Variants in CSGALNACT1 observed in about 807,000 individuals in gnomAD.
The protein encoded by CSGALNACT1 is beta4GalNAcT-1.
A neutral mutation model predicts 51.0 loss-of-function variants in CSGALNACT1; 52 were observed. That is an observed-to-expected ratio of 1.02 (90% CI 0.82 to 1.29). The LOEUF (loss-of-function observed/expected upper bound fraction) is 1.29. CSGALNACT1 is among the 50% of genes most tolerant of loss of function. CSGALNACT1 has a pLI of 0.00. For missense variants in CSGALNACT1, 935 were observed against 679.2 expected, an observed-to-expected ratio of 1.38 and a Z score of -4.19; for synonymous variants, 341 against 254.4, an observed-to-expected ratio of 1.34 and a Z score of -3.24.
chr8:19,745,468 C>T (rs1439774351), intron 1 of CSGALNACT1, among the ~76,000 whole-genome samples: 1 of 152,150 alleles, frequency 6.6e-6, no homozygotes, highest in Non-Finnish European at 1.5e-5. Context: ...CCTAAAGAAA[C>T]TCCTCAGAAC....
In CSGALNACT1 at chr8:19,405,569, A is replaced by C. The variant is rs139522958; in HGVS notation, c.*211T>G. On this transcript the variant is annotated 3_prime_UTR_variant, in exon 10 of 10. Transcript: ENST00000454498. ...ATTCTGCCTTTGTCAGACACTTCAC[A>C]GGGTGCAACTGGGTTACTTTTGCAG... is the stretch of plus-strand genomic sequence containing the variant. 1.5e-4 allele frequency: 107 copies of C among 708,266 alleles called. 1 individual carries two copies. The African/African-American group carries it at 1.6e-3, about 11-fold the overall frequency. 43.9% of individuals were successfully genotyped at this position (708,266 alleles called of 1,614,324 possible). A position where few individuals can be genotyped will look rare whatever the true frequency, so the allele number is the denominator to read the frequency against.
At chr8:19,522,898 T>C (rs2081005829) in intron 3 of CSGALNACT1, among the ~76,000 whole-genome samples, 1 of 152,226 alleles carries the variant, frequency 6.6e-6, no homozygotes, top group Non-Finnish European at 1.5e-5. Flanking sequence ...GCAAGATGTC[T>C]GTGGTGAGCG....
At chr8:19,521,143 T>C (rs2080598691) in intron 3 of CSGALNACT1, among the ~76,000 whole-genome samples, 1 of 152,142 alleles carries the variant, frequency 6.6e-6, no homozygotes, top group Non-Finnish European at 1.5e-5. Context: ...AATTTCATCC[T>C]ATAGGTAACG....
intron 1 of CSGALNACT1, among the ~76,000 whole-genome samples, chr8:19,620,158 CA>C (rs912593169): frequency 6.6e-6 from 1 of 151,436 alleles, no homozygotes; most frequent in African/African-American, 2.4e-5. Context: ...ACTAAAAATA[CA>C]AAAAAATTAG....
intron 3 of CSGALNACT1, chr8:19,531,862 G>C (rs896620773): frequency 6.6e-6 from 1 of 152,262 alleles, no homozygotes; most frequent in African/African-American, 2.4e-5. Flanking sequence ...GTACTGCCCA[G>C]TCCAAAGCTC....
At chr8:19,446,698 G>C (rs528921451) in intron 5 of CSGALNACT1, among the ~76,000 whole-genome samples, 8 of 152,136 alleles carry the variant, frequency 5.3e-5, no homozygotes, top group Non-Finnish European at 1.2e-4. Context: ...ATTTTCAGTG[G>C]AGACAGGGTT....
chr8:19,582,695 A>G (rs1187631447), intron 3 of CSGALNACT1, among the ~76,000 whole-genome samples: 3 of 152,170 alleles, frequency 2.0e-5, no homozygotes, highest in Admixed American at 1.3e-4. Context: ...GAGATGCTAC[A>G]GACTTTTTTT....
chr8:19,751,867 C>A (rs538383719), intron 1 of CSGALNACT1, among the ~76,000 whole-genome samples: 2 of 152,096 alleles, frequency 1.3e-5, no homozygotes, highest in East Asian at 3.9e-4. Flanking sequence ...CCAGCCATGC[C>A]CCCTGTGCAA....
At chr8:19,646,547 G>A (rs1219651710) in intron 1 of CSGALNACT1, among the ~76,000 whole-genome samples, 5 of 152,142 alleles carry the variant, frequency 3.3e-5, no homozygotes, top group Non-Finnish European at 7.4e-5. Context: ...GGATGTGACA[G>A]CCCCTTATAT....
intron 1 of CSGALNACT1, among the ~76,000 whole-genome samples, chr8:19,747,259 A>G (rs994040525): frequency 5.8e-5 from 6 of 103,596 alleles, no homozygotes; most frequent in Non-Finnish European, 6.6e-5. Context: ...GAGAGAAAGC[A>G]AAAAAAAAAG....
chr8:19,717,651 C>G (rs140456974), intron 1 of CSGALNACT1, among the ~76,000 whole-genome samples: 1 of 152,194 alleles, frequency 6.6e-6, no homozygotes, highest in Admixed American at 6.5e-5. Flanking sequence ...TTCGGGTCTC[C>G]GGTTCCCAGG....
chr8:19,645,344 C>T (rs10283283), intron 1 of CSGALNACT1, among the ~76,000 whole-genome samples: 20,822 of 152,200 alleles, frequency 0.14, 1,552 homozygotes, highest in South Asian at 0.19. Flanking sequence ...GAATACTGTC[C>T]AACTGAAGAT....
Position 19,489,945 on chromosome 8 carries a change from T to C in CSGALNACT1, c.634+15256A>G, listed in dbSNP as rs541239421. ...CCAAAGTCTCCTTCTACACCTTGAA[T>C]GGTACCAAGAAAAGCAAAATTCTGC... On this transcript the variant is annotated intron_variant, in intron 4 of 9. Coordinates refer to ENST00000454498, the Ensembl canonical transcript of CSGALNACT1. 2.1e-4 allele frequency among the ~76,000 whole-genome samples: 32 copies of C among 152,350 alleles called. No individual in the cohort carries two copies. The East Asian group carries it at 5.8e-3, about 28-fold the overall frequency.
chr8:19,593,814 T>C lies in CSGALNACT1; in HGVS notation c.-415-2536A>G, dbSNP rs559592884. On this transcript the variant is annotated intron_variant, in intron 2 of 9. Coordinates refer to ENST00000454498, the Ensembl canonical transcript of CSGALNACT1. ...TCACTTTTTGGGACTGATTCCTACATTCCTTCCCTTGAGGGCTGGATGAGA... is the reference window on the plus strand; with the variant it reads ...TCACTTTTTGGGACTGATTCCTACACTCCTTCCCTTGAGGGCTGGATGAGA... Among the ~76,000 whole-genome samples, 19 of 152,314 alleles carry C rather than the reference T, an allele frequency of 1.2e-4. No individual in the cohort carries two copies. In the South Asian group the frequency reaches 2.9e-3, roughly 23 times the overall value.
At chr8:19,612,929 G>A (rs2052470913) in intron 1 of CSGALNACT1, among the ~76,000 whole-genome samples, 1 of 54,190 alleles carries the variant, frequency 1.8e-5, no homozygotes, top group Non-Finnish European at 3.4e-5. Flanking sequence ...CACAAAAGAA[G>A]AGAGGAAAAG....
chr8:19,544,075 C>CTT lies in CSGALNACT1; in HGVS notation c.-296-37947_-296-37946dup, dbSNP rs778207201. Among the ~76,000 whole-genome samples, 3 of 141,680 alleles carry CTT rather than the reference C, an allele frequency of 2.1e-5. No homozygotes were observed. The South Asian group carries it at 6.7e-4, about 32-fold the overall frequency. The allele number at this position is 141,680 out of a possible 152,430, so 92.9% of individuals were successfully genotyped here. Reference sequence around the variant, plus strand: ...TGGGTTTTCTATTGTGGGGACATAACTTTTTTTTTTTTTTAAACAAGTTGT... The same window carrying CTT: ...TGGGTTTTCTATTGTGGGGACATAACTTTTTTTTTTTTTTTTAAACAAGTTGT... On this transcript the variant is annotated intron_variant, in intron 3 of 9. Coordinates refer to ENST00000454498, the Ensembl canonical transcript of CSGALNACT1.
At chr8:19,553,643 A>ATG (rs1236368949) in intron 3 of CSGALNACT1, among the ~76,000 whole-genome samples, 34 of 124,096 alleles carry the variant, frequency 2.7e-4, no homozygotes, top group Admixed American at 2.6e-3. Context: ...ATATATAAAA[A>ATG]AATATGTCAG....
chr8:19,442,159 G>A (rs1391284533), intron 5 of CSGALNACT1, among the ~76,000 whole-genome samples: 1 of 152,172 alleles, frequency 6.6e-6, no homozygotes, highest in African/African-American at 2.4e-5. Flanking sequence ...AAGTCAGTGT[G>A]GCGATTCCTC....
chr8:19,440,322 A>T (rs2061107532), intron 5 of CSGALNACT1, among the ~76,000 whole-genome samples: 1 of 152,076 alleles, frequency 6.6e-6, no homozygotes, highest in South Asian at 2.1e-4. Context: ...TCCTCAATAA[A>T]ATACTGGCAA....
Sources: gnomAD v4.1 joint callset for allele counts (sites outside exome capture counted in the v4.1 genomes callset) on GRCh38, gnomAD v4.1.1 for gene constraint, MANE v1.5 for transcripts, NCBI Gene and HGNC (gene_info 2026-07-23, HGNC 2026-07-21) for gene names.